RLF: variants seen among roughly 807,000 people sequenced by gnomAD.
RLF encodes RLF zinc finger.
A neutral mutation model predicts 162.9 loss-of-function variants in RLF; 7 were observed. The ratio of observed to expected loss-of-function variants is 0.04; its 90% CI spans 0.02 to 0.08. The LOEUF is 0.08. Ranked by LOEUF, RLF falls within the 10% of genes least tolerant of loss-of-function variation. The pLI is 1.00. For synonymous variants in RLF, 782 were observed against 791.5 expected (o/e 0.99, Z 0.20); for missense variants, 1,664 against 2,244.7 (o/e 0.74, Z 5.23).
chr1:40,195,268 G>C (rs78577613), intron 3 of RLF, among the ~76,000 whole-genome samples: 1 of 151,834 alleles, frequency 6.6e-6, no homozygotes, highest in African/African-American at 2.4e-5. Context: ...GGCCAAGATG[G>C]TGAAACCCTG....
chr1:40,181,146 T>C (rs1459729502), intron 1 of RLF, among the ~76,000 whole-genome samples: 2 of 152,162 alleles, frequency 1.3e-5, no homozygotes, highest in Non-Finnish European at 2.9e-5. Context: ...AAGGCTGTCT[T>C]TGGCCAGCTG....
At chr1:40,223,097 TAG>T (rs1441741943) in intron 6 of RLF, among the ~76,000 whole-genome samples, 3 of 152,232 alleles carry the variant, frequency 2.0e-5, no homozygotes, top group Non-Finnish European at 2.9e-5. Context: ...TCTAGGTTTC[TAG>T]GTCAAACTAG....
chr1:40,194,052 T>C (rs1022858336), intron 3 of RLF, among the ~76,000 whole-genome samples: 1 of 152,186 alleles, frequency 6.6e-6, no homozygotes, highest in African/African-American at 2.4e-5. Flanking sequence ...CAGTGAAACA[T>C]ATACGTAATC....
intron 5 of RLF, among the ~76,000 whole-genome samples, chr1:40,216,014 A>G (rs1411010545): frequency 1.3e-5 from 2 of 152,134 alleles, no homozygotes; most frequent in Non-Finnish European, 2.9e-5. Flanking sequence ...GATTGACAAA[A>G]TTGATATACT....
At chr1:40,205,293 G>A (rs1030800934) in intron 5 of RLF, among the ~76,000 whole-genome samples, 1 of 151,956 alleles carries the variant, frequency 6.6e-6, no homozygotes, top group Non-Finnish European at 1.5e-5. Context: ...CTGAGATCAC[G>A]CCACTGCACT....
At chr1:40,224,623 C>CTTTTTTTTTTTTTTTTTTTTTTTT (rs1168908018) in intron 6 of RLF, among the ~76,000 whole-genome samples, 2 of 33,262 alleles carry the variant, frequency 6.0e-5, no homozygotes, top group African/African-American at 1.2e-4. Flanking sequence ...TTTTTGAAAG[C>CTTTTTTTTTTTTTTTTTTTTTTTT]TTTTTTTTTT....
rs764222889 is a variant in RLF at position 40,236,192 on chromosome 1, A to G, written c.1490A>G (p.Tyr497Cys). 10 of 1,613,872 alleles carry G rather than the reference A, an allele frequency of 6.2e-6. No homozygotes were observed. Among genetic ancestry groups the G allele is most frequent in the African/African-American group, 4.0e-5 (3 of 74,900 alleles). ...ASDSDDDLSGYEMSINDTDVL... is the reference protein window; with the variant it reads ...ASDSDDDLSGCEMSINDTDVL... The stretch of plus-strand genomic sequence containing the variant: ...GATTCTGATGATGATTTAAGTGGCT[A>G]TGAAATGTCCATTAATGACACAGAT... Residue 497 changes from tyrosine to cysteine, a missense_variant, in exon 8 of 8, where the codon TAT (tyrosine) becomes TGT (cysteine). Physicochemically the swap from Tyr to Cys is radical, Grantham distance 194. This residue lies in a region of RLF where 54 missense variants were observed against 71.7 expected (regional missense o/e 0.75). Coordinates refer to ENST00000372771, the MANE Select transcript of RLF (RefSeq NM_012421.4). The surrounding 1 kb of genome is among the most constrained non-coding windows in gnomAD (Gnocchi z 7.7).
At chr1:40,214,283 A>T (rs1046168671) in intron 5 of RLF, among the ~76,000 whole-genome samples, 4 of 152,228 alleles carry the variant, frequency 2.6e-5, no homozygotes, top group Non-Finnish European at 5.9e-5. Flanking sequence ...GCTGGAAATT[A>T]AGAGTTCTAA....
chr1:40,224,623 C>CTTTTTTTTTTTTTTTTTTT (rs1168908018), intron 6 of RLF, among the ~76,000 whole-genome samples: 5 of 33,264 alleles, frequency 1.5e-4, no homozygotes, highest in Admixed American at 6.9e-4. Context: ...TTTTTGAAAG[C>CTTTTTTTTTTTTTTTTTTT]TTTTTTTTTT....
rs2235986 is a variant in RLF, at chr1:40,237,768, C to T, written c.3066C>T (p.Ser1022=). ...PKPCSDTNSD[S]PDEGLDHNIH... ...CCTGCTCAGATACAAACAGTGACTCCCCAGATGAAGGTCTAGATCACAATA... is the reference window on the plus strand; with the variant it reads ...CCTGCTCAGATACAAACAGTGACTCTCCAGATGAAGGTCTAGATCACAATA... Residue 1022 remains serine (S), a synonymous_variant, in exon 8 of 8, where the codon TCC becomes TCT. Transcript: ENST00000372771. This position sits in a 1 kb window ranked among gnomAD's most constrained non-coding sequence, Gnocchi z 4.4. The T allele has an allele frequency of 5.6e-3, 9,000 of 1,613,954 alleles. 548 individuals carry two copies. In the East Asian group the frequency reaches 0.15, roughly 27 times the overall value.
At chr1:40,225,690 C>T (rs1221395839) in intron 6 of RLF, among the ~76,000 whole-genome samples, 1 of 151,228 alleles carries the variant, frequency 6.6e-6, no homozygotes, top group Non-Finnish European at 1.5e-5. Flanking sequence ...TCCTGGCTAA[C>T]ACAGTGAAAC....
chr1:40,221,917 A>AAAAAAAAAAAAAAAAAAAAAAAAAAG (rs1486982312), intron 5 of RLF, among the ~76,000 whole-genome samples: 2 of 150,284 alleles, frequency 1.3e-5, no homozygotes, highest in South Asian at 2.1e-4. Flanking sequence ...AAAAAAAAAA[A>AAAAAAAAAAAAAAAAAAAAAAAAAAG]AGAGAAAGGA....
chr1:40,180,733 T>C (rs1235421465), intron 1 of RLF, among the ~76,000 whole-genome samples: 2 of 152,362 alleles, frequency 1.3e-5, no homozygotes, highest in Non-Finnish European at 2.9e-5. Context: ...CAATTTTTAA[T>C]TGGCTTGTTT....
chr1:40,239,702 T>C lies in RLF; in HGVS notation c.5000T>C (p.Leu1667Pro), dbSNP rs532107194. The C allele has an allele frequency of 1.2e-6, 2 of 1,614,194 alleles. No individual in the cohort carries two copies. The highest frequency in any genetic ancestry group is 1.7e-6 in the Non-Finnish European group (2 of 1,180,040). The change falls in exon 8 of 8, where the codon CTC becomes CCC. Residue 1667 changes from leucine (L) to proline (P), a missense_variant. Around this residue, in one of 15 missense-constraint regions of RLF, gnomAD observed 327 missense variants for 342.7 expected, o/e 0.95. Coordinates refer to ENST00000372771, the MANE Select transcript of RLF (RefSeq NM_012421.4). ...SSSVFDADTLLYRGTLKCNHS... is the reference protein window; with the variant it reads ...SSSVFDADTLPYRGTLKCNHS... ...TCAGTATTTGATGCAGATACTCTGC[T>C]CTACAGGGGAACTTTGAAATGTAAT...
Position 40,231,559 on chromosome 1 carries a change from C to T in RLF, c.990C>T (p.Asp330=), listed in dbSNP as rs1643151867. 1.9e-6 allele frequency: 3 copies of T among 1,613,586 alleles called. No individual in the cohort carries two copies. Among genetic ancestry groups the T allele is most frequent in the Non-Finnish European group, 2.5e-6 (3 of 1,179,582 alleles). ...GGAGTAAACTGCAAAGAAGAATTGA[C>T]CCTTCTTTAGATACTTTTTTGGAGC... ...LFWSKLQRRI[D]PSLDTFLERC... The change falls in exon 7 of 8, where the codon GAC becomes GAT. Residue 330 remains aspartate, a synonymous_variant. Transcript: ENST00000372771.
At chr1:40,165,406 G>A (rs532887725) in intron 1 of RLF, among the ~76,000 whole-genome samples, 1 of 152,230 alleles carries the variant, frequency 6.6e-6, no homozygotes, top group South Asian at 2.1e-4. Flanking sequence ...TCCAATAAAC[G>A]TATTAACTAC....
chr1:40,199,681 A>T (rs948289722), intron 4 of RLF, among the ~76,000 whole-genome samples: 4 of 152,214 alleles, frequency 2.6e-5, no homozygotes, highest in African/African-American at 9.7e-5. Flanking sequence ...TAGGTTGTGT[A>T]GGTAATATGC....
Position 40,161,681 on chromosome 1 carries a change from C to T in RLF, c.237+45C>T. On this transcript the variant is annotated intron_variant, in intron 1 of 7. Transcript: ENST00000372771. The surrounding 1 kb of genome is among the most constrained non-coding windows in gnomAD (Gnocchi z 4.4). ...GCTGAGGGCGGCGGGGCGGGGAAGT[C>T]AGGGAAGGAGGCCCTGGATCCTCTG... 5 of 1,598,384 alleles carry T rather than the reference C, an allele frequency of 3.1e-6. No homozygotes were observed. The highest frequency in any genetic ancestry group is 4.3e-6 in the Non-Finnish European group (5 of 1,175,964).
Position 40,237,267 on chromosome 1 carries a change from C to G in RLF, c.2565C>G (p.Pro855=). ...AAAAGCAAGATTGTATTAATCAGCC[C>G]CATCTACTTAACCAAACTGATAAAT... ...TGEKQDCINQ[P]HLLNQTDKSH... is the part of the protein sequence containing the mutation. The change falls in exon 8 of 8, where the codon CCC becomes CCG. Residue 855 remains proline (P), a synonymous_variant. Coordinates refer to ENST00000372771, the MANE Select transcript of RLF (RefSeq NM_012421.4). The surrounding 1 kb of genome is among the most constrained non-coding windows in gnomAD (Gnocchi z 4.4). 6.2e-7 allele frequency: 1 copy of G among 1,613,998 alleles called. No individual in the cohort carries two copies. The highest frequency in any genetic ancestry group is 2.2e-5 in the East Asian group (1 of 44,872).
Sources: allele counts gnomAD v4.1 joint callset (sites outside exome capture counted in the v4.1 genomes callset), GRCh38; gene constraint gnomAD v4.1.1; regional missense constraint gnomAD v4.1.1; non-coding constraint Gnocchi (gnomAD v3.1); transcripts MANE v1.5; gene names NCBI Gene and HGNC (gene_info 2026-07-23, HGNC 2026-07-21).